Variants in CDH4 observed in about 807,000 individuals in gnomAD.
CDH4 encodes cadherin-4.
In CDH4, 33 loss-of-function variants were observed where a neutral mutation model predicts 86.0. The observed-to-expected ratio is 0.38, with a 90% CI of 0.29 to 0.51. The LOEUF (loss-of-function observed/expected upper bound fraction) is 0.51. Ranked by LOEUF, CDH4 falls within the 20% of genes least tolerant of loss-of-function variation. The pLI, the probability that CDH4 is intolerant of heterozygous loss-of-function variation, is 0.86. For synonymous variants in CDH4, 555 were observed against 549.4 expected (o/e 1.01, Z -0.14); for missense variants, 1,114 against 1,307.4 (o/e 0.85, Z 2.28).
intron 3 of CDH4, among the ~76,000 whole-genome samples, chr20:61,758,376 G>A (rs993148124): frequency 7.2e-5 from 11 of 152,196 alleles, no homozygotes; most frequent in African/African-American, 2.7e-4. Context: ...TCTGCCTCGG[G>A]CCCTGGGCCC....
rs531766248 is a variant in CDH4 at position 61,623,725 on chromosome 20, G to A, written c.170-119838G>A. On this transcript the variant is annotated intron_variant, in intron 2 of 15. Coordinates refer to ENST00000614565, the MANE Select transcript of CDH4 (RefSeq NM_001794.5). The surrounding 1 kb of genome is among the most constrained non-coding windows in gnomAD (Gnocchi z 4.4). The stretch of plus-strand genomic sequence containing the variant: ...GGCTGGTTTTAGTGCATCACTGAGC[G>A]CAAAGTATTTTTGCAATCAGAAAAT... Among the ~76,000 whole-genome samples, 21 of 152,174 alleles carry A rather than the reference G, an allele frequency of 1.4e-4. No individual in the cohort carries two copies. Among genetic ancestry groups the A allele is most frequent in the African/African-American group, 3.9e-4 (16 of 41,522 alleles).
At chr20:61,555,168 TTACAA>T (rs1158623224) in intron 2 of CDH4, among the ~76,000 whole-genome samples, 1 of 152,238 alleles carries the variant, frequency 6.6e-6, no homozygotes, top group African/African-American at 2.4e-5. Context: ...GGGGTTGCCC[TTACAA>T]TACAAGTTGT....
chr20:61,372,100 G>A (rs1408035451), intron 2 of CDH4, among the ~76,000 whole-genome samples: 1 of 152,188 alleles, frequency 6.6e-6, no homozygotes, highest in Non-Finnish European at 1.5e-5. Flanking sequence ...CTCCCTCCTG[G>A]GATAGAGAGA....
chr20:61,635,993 C>T (rs1318800035), intron 2 of CDH4, among the ~76,000 whole-genome samples: 1 of 152,248 alleles, frequency 6.6e-6, no homozygotes, highest in African/African-American at 2.4e-5. Flanking sequence ...GCCGTGACAG[C>T]AGCAGGCCTG....
intron 2 of CDH4, among the ~76,000 whole-genome samples, chr20:61,628,223 G>A (rs774578833): frequency 1.6e-4 from 24 of 152,156 alleles, no homozygotes; most frequent in South Asian, 2.1e-4. Context: ...CTGCTGCGTC[G>A]GCCTGAAAAC....
At chr20:61,310,414 G>C (rs1325360214) in intron 2 of CDH4, among the ~76,000 whole-genome samples, 1 of 152,168 alleles carries the variant, frequency 6.6e-6, no homozygotes, top group Non-Finnish European at 1.5e-5. Flanking sequence ...TTGGTGTCTG[G>C]TTGAAACTGT....
rs146559725 is a variant in CDH4 at position 61,725,601 on chromosome 20, A to G, written c.170-17962A>G. On this transcript the variant is annotated intron_variant, in intron 2 of 15. Transcript: ENST00000614565. The stretch of plus-strand genomic sequence containing the variant: ...ACTGCCACAGGAATGCTTTTTAAAT[A>G]CAGAAAACAAGAAACACCCCCAAAT... Among the ~76,000 whole-genome samples the G allele has an allele frequency of 5.2e-3, 797 of 152,268 alleles. 11 individuals carry two copies. Among genetic ancestry groups the G allele is most frequent in the South Asian group, 0.036 (174 of 4,806 alleles).
intron 2 of CDH4, among the ~76,000 whole-genome samples, chr20:61,387,075 A>C (rs1223716974): frequency 6.6e-6 from 1 of 152,250 alleles, no homozygotes; most frequent in Non-Finnish European, 1.5e-5. Flanking sequence ...AAATTATAAA[A>C]ATAAAATATA....
chr20:61,724,129 AG>A (rs1485778317), intron 2 of CDH4, among the ~76,000 whole-genome samples: 41 of 112,990 alleles, frequency 3.6e-4, no homozygotes, highest in African/African-American at 1.3e-3. Flanking sequence ...TCCATGTGGC[AG>A]GGGGGTGGGT....
intron 2 of CDH4, among the ~76,000 whole-genome samples, chr20:61,587,642 G>A (rs1017307199): frequency 9.2e-5 from 14 of 151,998 alleles, no homozygotes; most frequent in South Asian, 2.1e-4. Flanking sequence ...GGGGCACCAC[G>A]TCTTCCACAG....
At chr20:61,338,630 A>G (rs904163919) in intron 2 of CDH4, among the ~76,000 whole-genome samples, 10 of 152,310 alleles carry the variant, frequency 6.6e-5, no homozygotes, top group South Asian at 2.1e-4. Context: ...CTCCAGACTA[A>G]GTTGCTCCCT....
intron 4 of CDH4, among the ~76,000 whole-genome samples, chr20:61,782,239 A>G (rs1019277938): frequency 6.6e-6 from 1 of 152,090 alleles, no homozygotes; most frequent in East Asian, 1.9e-4. Flanking sequence ...AACCTGGGAG[A>G]CAGAGGTTGC....
intron 2 of CDH4, 140 bp from the exon 3 acceptor site, chr20:61,743,423 C>T (rs993575651): frequency 4.9e-5 from 32 of 659,622 alleles, no homozygotes; most frequent in Non-Finnish European, 7.0e-5. Context: ...ACCACCTTCT[C>T]GGGAGGTGGA....
chr20:61,528,308 C>T lies in CDH4; in HGVS notation c.170-215255C>T, dbSNP rs558908111. Among the ~76,000 whole-genome samples the T allele has an allele frequency of 8.1e-5, 12 of 147,902 alleles. No homozygotes were observed. The East Asian group carries it at 1.8e-3, about 22-fold the overall frequency. The stretch of plus-strand genomic sequence containing the variant: ...AGGAGAATCACTTGAACCCAGGAGG[C>T]GGAGATTGCAGTGAGCCGAGATCAT... On this transcript the variant is annotated intron_variant, in intron 2 of 15. Coordinates refer to ENST00000614565, the MANE Select transcript of CDH4 (RefSeq NM_001794.5).
intron 2 of CDH4, among the ~76,000 whole-genome samples, chr20:61,571,035 C>T (rs566563418): frequency 6.6e-6 from 1 of 152,134 alleles, no homozygotes; most frequent in South Asian, 2.1e-4. Flanking sequence ...CTAGCTGTTA[C>T]CTGGCTCATC....
intron 4 of CDH4, among the ~76,000 whole-genome samples, chr20:61,784,263 C>T (rs1336294228): frequency 8.6e-5 from 1 of 11,638 alleles, no homozygotes. Context: ...AATGTAAGCC[C>T]AGTTCCTTGG....
rs142625790 is a variant in CDH4 at position 61,591,416 on chromosome 20, G to A, written c.170-152147G>A. 3.6e-3 allele frequency among the ~76,000 whole-genome samples: 555 copies of A among 152,174 alleles called. 8 individuals carry two copies. The highest frequency in any genetic ancestry group is 0.013 in the African/African-American group (529 of 41,500). On this transcript the variant is annotated intron_variant, in intron 2 of 15. Transcript: ENST00000614565. ...TGCTACATTTTTGCAAATCTCTTCC[G>A]TGTCTGGTGTCACAGAAGCTGGCTG...
intron 2 of CDH4, among the ~76,000 whole-genome samples, chr20:61,336,645 G>A (rs1370759162): frequency 1.3e-5 from 2 of 152,200 alleles, no homozygotes; most frequent in Non-Finnish European, 2.9e-5. Flanking sequence ...TCTATAGCCA[G>A]CCTGTAGGAT....
At chr20:61,706,742 G>A (rs898400047) in intron 2 of CDH4, among the ~76,000 whole-genome samples, 7 of 152,204 alleles carry the variant, frequency 4.6e-5, no homozygotes, top group African/African-American at 1.7e-4. Flanking sequence ...GCAGGCCAGT[G>A]GGAACAGTGG....
Sources: gnomAD v4.1 joint callset for allele counts (sites outside exome capture counted in the v4.1 genomes callset) on GRCh38, gnomAD v4.1.1 for gene constraint, Gnocchi (gnomAD v3.1) non-coding constraint, MANE v1.5 for transcripts, NCBI Gene and HGNC (gene_info 2026-07-23, HGNC 2026-07-21) for gene names.